Variants in RNF4 observed in about 807,000 individuals in gnomAD.
RNF4 encodes the protein E3 ubiquitin-protein ligase RNF4.
RNF4 carries 7 observed loss-of-function variants against 24.3 expected under a neutral mutation model. The ratio of observed to expected loss-of-function variants is 0.29; its 90% confidence interval spans 0.16 to 0.54. The LOEUF is 0.54. RNF4 is among the 20% of genes least tolerant of loss of function. RNF4 has a pLI of 0.95. For synonymous variants in RNF4, 83 were observed against 84.3 expected (o/e 0.98, Z 0.09); for missense variants, 209 against 248.5 (o/e 0.84, Z 1.07).
intron 3 of RNF4, among the ~76,000 whole-genome samples, chr4:2,500,156 CAA>C (rs5855735): frequency 0.022 from 1,691 of 77,128 alleles, 21 homozygotes; most frequent in African/African-American, 0.068. Flanking sequence ...GACTCTGTCT[CAA>C]AAAAAAAAAA....
At position 2,502,200 on chromosome 4, in the gene RNF4, TTTTTTTG is replaced by T. The variant is rs546944048; in HGVS notation, c.204+1482_204+1488del. Among the ~76,000 whole-genome samples, 428 of 152,278 alleles carry T rather than the reference TTTTTTTG, an allele frequency of 2.8e-3. 4 individuals carry two copies. Among genetic ancestry groups the T allele is most frequent in the South Asian group, 0.012 (60 of 4,824 alleles). Reference sequence around the variant, plus strand: ...AGCTGGAAAGTGGTGTCTGCAGAAGTTTTTTTGTTTTTTGTTTTTTGTTTTTCTTGAA... The same window carrying T: ...AGCTGGAAAGTGGTGTCTGCAGAAGTTTTTTTGTTTTTTGTTTTTCTTGAA... On this transcript the variant is annotated intron_variant, in intron 4 of 7. Coordinates refer to ENST00000314289, the MANE Select transcript of RNF4 (RefSeq NM_002938.5).
At chr4:2,489,422 C>CAGG (rs564757910) in intron 1 of RNF4, among the ~76,000 whole-genome samples, 171 of 152,308 alleles carry the variant, frequency 1.1e-3, no homozygotes, top group African/African-American at 4.0e-3. Flanking sequence ...TCACCTGTGT[C>CAGG]TGTTTTGCAA....
At chr4:2,513,589 T>C in intron 7 of RNF4, 81 bp from the exon 8 acceptor site, 2 of 1,547,540 alleles carry the variant, frequency 1.3e-6, no homozygotes, top group South Asian at 2.3e-5. Flanking sequence ...ATCTTAGGCA[T>C]AGGTGGGTGG....
intron 1 of RNF4, among the ~76,000 whole-genome samples, chr4:2,485,316 C>T (rs192696549): frequency 3.3e-5 from 5 of 152,194 alleles, no homozygotes; most frequent in African/African-American, 1.2e-4. Context: ...GAGGTTTTGT[C>T]TGAGTGACGG....
At chr4:2,503,729 G>A (rs142718087) in intron 4 of RNF4, among the ~76,000 whole-genome samples, 63 of 152,320 alleles carry the variant, frequency 4.1e-4, no homozygotes, top group Middle Eastern at 3.4e-3. Flanking sequence ...TAGATGGATC[G>A]TGTGTTCAGG....
chr4:2,470,743 G>C (rs1355708946), intron 1 of RNF4, among the ~76,000 whole-genome samples: 1 of 152,096 alleles, frequency 6.6e-6, no homozygotes. Context: ...GAATACAGCA[G>C]TAAACAGTCG....
At chr4:2,474,342 C>A (rs1426644654) in intron 1 of RNF4, among the ~76,000 whole-genome samples, 1 of 148,520 alleles carries the variant, frequency 6.7e-6, no homozygotes, top group Non-Finnish European at 1.5e-5. Flanking sequence ...CACGCCATTG[C>A]ACTCCATCCA....
Position 2,512,556 on chromosome 4 carries a change from T to C in RNF4, c.333T>C (p.His111=), listed in dbSNP as rs764005697. The C allele has an allele frequency of 1.2e-6, 2 of 1,613,922 alleles. No homozygotes were observed. Among genetic ancestry groups the C allele is most frequent in the Non-Finnish European group, 1.7e-6 (2 of 1,179,824 alleles). ...ACAGAGACGTATATGTGACTACCCA[T>C]ACTCCCAGAAACGCCAGGGATGAGG... ...SRDRDVYVTT[H]TPRNARDEGA... is the part of the protein sequence containing the mutation. The change falls in exon 6 of 8, where the codon CAT becomes CAC. Residue 111 remains histidine (H), a synonymous_variant. Coordinates refer to ENST00000314289, the MANE Select transcript of RNF4 (RefSeq NM_002938.5). This position sits in a 1 kb window ranked among gnomAD's most constrained non-coding sequence, Gnocchi z 4.1.
chr4:2,505,015 T>G (rs986430451), intron 4 of RNF4: 6 of 152,152 alleles, frequency 3.9e-5, no homozygotes, highest in African/African-American at 1.4e-4. Flanking sequence ...ATTATAAGCA[T>G]GAGCCGCTGC....
chr4:2,483,014 G>A (rs1426470461), intron 1 of RNF4, among the ~76,000 whole-genome samples: 2 of 152,190 alleles, frequency 1.3e-5, no homozygotes, highest in Non-Finnish European at 2.9e-5. Context: ...GTGAAGGTTT[G>A]TTTTGCCTTT....
At chr4:2,472,932 C>T (rs1248351305) in intron 1 of RNF4, among the ~76,000 whole-genome samples, 5 of 151,222 alleles carry the variant, frequency 3.3e-5, no homozygotes, top group Non-Finnish European at 7.4e-5. Flanking sequence ...CCCAGCTACT[C>T]GGGAGGCTGA....
At chr4:2,495,641 G>GC (rs950437952) in intron 2 of RNF4, among the ~76,000 whole-genome samples, 9 of 148,230 alleles carry the variant, frequency 6.1e-5, no homozygotes, top group South Asian at 2.2e-4. Context: ...TTTTTTTTTG[G>GC]GGGGGGGTGA....
chr4:2,509,983 A>T (rs1578526471), intron 4 of RNF4, among the ~76,000 whole-genome samples: 1 of 152,160 alleles, frequency 6.6e-6, no homozygotes. Flanking sequence ...TCTAGATTTC[A>T]TGCGGACAGT....
chr4:2,489,430 C>T (rs1308663233), intron 1 of RNF4, among the ~76,000 whole-genome samples: 1 of 152,138 alleles, frequency 6.6e-6, no homozygotes, highest in Non-Finnish European at 1.5e-5. Flanking sequence ...GTCTGTTTTG[C>T]AACTCCATCT....
At chr4:2,510,163 C>G (rs138856956) in intron 4 of RNF4, among the ~76,000 whole-genome samples, 1 of 152,348 alleles carries the variant, frequency 6.6e-6, no homozygotes, top group East Asian at 1.9e-4. Context: ...CCTTTATACT[C>G]AGTCCTGCAT....
intron 1 of RNF4, among the ~76,000 whole-genome samples, chr4:2,473,943 G>A (rs1578495508): frequency 6.6e-6 from 1 of 152,136 alleles, no homozygotes; most frequent in Non-Finnish European, 1.5e-5. Context: ...GTGGTAGTGG[G>A]ATTGTTACTG....
At chr4:2,484,836 TCTC>T (rs1284768210) in intron 1 of RNF4, among the ~76,000 whole-genome samples, 2 of 151,996 alleles carry the variant, frequency 1.3e-5, no homozygotes, top group African/African-American at 4.8e-5. Flanking sequence ...CTACCCTGAG[TCTC>T]CTCCTTGGTC....
intron 2 of RNF4, 24 bp from the exon 3 acceptor site, chr4:2,496,983 T>A: frequency 6.5e-7 from 1 of 1,545,474 alleles, no homozygotes; most frequent in Non-Finnish European, 8.8e-7. Flanking sequence ...TTCATGTGAC[T>A]CTTCTTTCCC....
chr4:2,470,451 G>C (rs780990474), intron 1 of RNF4, among the ~76,000 whole-genome samples: 3 of 152,224 alleles, frequency 2.0e-5, no homozygotes, highest in Admixed American at 6.5e-5. Context: ...CGAGTAGCAA[G>C]ATATATTGCT....
Sources: gnomAD v4.1 joint callset for allele counts (sites outside exome capture counted in the v4.1 genomes callset) on GRCh38, gnomAD v4.1.1 for gene constraint, Gnocchi (gnomAD v3.1) non-coding constraint, MANE v1.5 for transcripts, NCBI Gene and HGNC (gene_info 2026-07-23, HGNC 2026-07-21) for gene names.